Variants in CEP128 observed in about 807,000 individuals in gnomAD.
The protein encoded by CEP128 is centrosomal protein 128, also known as centrosomal protein 128kDa.
CEP128 carries 132 observed loss-of-function variants against 156.7 expected under a neutral mutation model. That is an observed-to-expected ratio of 0.84 (90% CI 0.73 to 0.97). The LOEUF (loss-of-function observed/expected upper bound fraction) is 0.97. CEP128 is among the 50% of genes least tolerant of loss of function. CEP128 has a pLI of 0.00. For missense variants in CEP128, 1,252 were observed against 1,281.9 expected (o/e 0.98, Z 0.36); for synonymous variants, 469 against 448.9 (o/e 1.04, Z -0.57).
At chr14:80,476,975 T>C (rs908226756), downstream of CEP128, 1 of 152,074 alleles carries the variant, frequency 6.6e-6, no homozygotes. Flanking sequence ...TTCGTAAGAA[T>C]CCTTCATGAT....
intron 23 of CEP128, among the ~76,000 whole-genome samples, chr14:80,508,366 CA>C (rs1888083671): frequency 6.6e-6 from 1 of 152,044 alleles, no homozygotes; most frequent in Non-Finnish European, 1.5e-5. Flanking sequence ...AACTTATTAG[CA>C]TAATTTAAGG....
chr14:80,823,436 T>C (rs1885295899), intron 13 of CEP128, among the ~76,000 whole-genome samples: 1 of 152,206 alleles, frequency 6.6e-6, no homozygotes, highest in Non-Finnish European at 1.5e-5. Flanking sequence ...GAGCATCAGA[T>C]GAAGACTTCA....
chr14:80,895,766 A>C lies in CEP128; in HGVS notation c.597T>G (p.Ala199=). The C allele has an allele frequency of 1.3e-6, 2 of 1,559,428 alleles. No individual in the cohort carries two copies. Among genetic ancestry groups the C allele is most frequent in the Non-Finnish European group, 1.7e-6 (2 of 1,151,782 alleles). Residue 199 remains alanine, a synonymous_variant, in exon 8 of 25, where the codon GCT becomes GCG. Transcript: ENST00000555265. ...RSRSDAETKR[A]LEELTEKLNE... is the part of the protein sequence containing the mutation. ...TAAGTTTTTCAGTCAATTCTTCCAA[A>C]GCCCTTTTTGTTTCGGCATCTGACC...
At chr14:80,763,948 A>G (rs919061356) in intron 16 of CEP128, among the ~76,000 whole-genome samples, 2 of 152,208 alleles carry the variant, frequency 1.3e-5, no homozygotes. Context: ...TAAATACCCT[A>G]TCAGAGACTA....
At chr14:80,554,840 T>C (rs1395499175) in intron 21 of CEP128, among the ~76,000 whole-genome samples, 1 of 152,074 alleles carries the variant, frequency 6.6e-6, no homozygotes, top group East Asian at 1.9e-4. Context: ...TTGTTTTCTT[T>C]AGGTTTTACT....
At chr14:80,660,085 C>T (rs721867) in intron 19 of CEP128, among the ~76,000 whole-genome samples, 7 of 151,938 alleles carry the variant, frequency 4.6e-5, no homozygotes, top group East Asian at 1.9e-4. Flanking sequence ...CTTCTGTGTA[C>T]GCAAAGGTAT....
At position 80,916,479 on chromosome 14, in the gene CEP128, T is replaced by C; in HGVS notation, c.69A>G (p.Arg23=). 6.2e-7 allele frequency: 1 copy of C among 1,614,152 alleles called. No individual in the cohort carries two copies. The highest frequency in any genetic ancestry group is 2.2e-5 in the East Asian group (1 of 44,882). Residue 23 remains arginine (R), a synonymous_variant, in exon 3 of 25, where the codon AGA becomes AGG. Coordinates refer to ENST00000555265, the MANE Select transcript of CEP128 (RefSeq NM_152446.5). ...CRDRLSPWAA[R]STHRGTRSLP... is the part of the protein sequence containing the mutation. ...GACTTCGAGTTCCCCTGTGCGTTGA[T>C]CTGGCAGCCCATGGACTCAATCGGT...
At chr14:80,919,167 T>A (rs944255441) in intron 2 of CEP128, among the ~76,000 whole-genome samples, 1 of 152,192 alleles carries the variant, frequency 6.6e-6, no homozygotes, top group Non-Finnish European at 1.5e-5. Flanking sequence ...GTCTTTGAGA[T>A]AACTTGATAT....
At position 80,761,601 on chromosome 14, in the gene CEP128, TTA is replaced by T. The variant is rs752969645; in HGVS notation, c.2387_2388del (p.Ile796LysfsTer3). 6.3e-7 allele frequency: 1 copy of T among 1,591,410 alleles called. No homozygotes were observed. The highest frequency in any genetic ancestry group is 1.1e-5 in the South Asian group (1 of 87,328). On this transcript the variant is annotated frameshift_variant, in exon 17 of 25. Transcript: ENST00000555265. LOFTEE classifies it high-confidence loss of function. Reference sequence around the variant, plus strand: ...CTCCTTAAGTGCTCCTCTTCAATGCTTATATGTTTTTCCTAAGGCATTGAAAG... The same window carrying T: ...CTCCTTAAGTGCTCCTCTTCAATGCTTATGTTTTTCCTAAGGCATTGAAAG... Reference protein sequence around the residue: ...KDQLEEREKHISIEEEHLRRM... With the variant: ...KDQLEEREKHXSIEEEHLRRM...
Position 80,799,859 on chromosome 14 carries a change from G to A in CEP128, c.1210-6749C>T, listed in dbSNP as rs141561999. On this transcript the variant is annotated intron_variant, in intron 13 of 24. Coordinates refer to ENST00000555265, the MANE Select transcript of CEP128 (RefSeq NM_152446.5). ...TGTTTATCAAGACAATAAGTGCACC[G>A]CTGAACATAGACCCTTATCAGTAGT... is the stretch of plus-strand genomic sequence containing the variant. 2.6e-3 allele frequency among the ~76,000 whole-genome samples: 396 copies of A among 152,204 alleles called. 7 individuals carry two copies. Among genetic ancestry groups the A allele is most frequent in the African/African-American group, 8.2e-3 (342 of 41,540 alleles).
At chr14:80,655,858 C>T (rs777328138) in intron 19 of CEP128, among the ~76,000 whole-genome samples, 4 of 152,106 alleles carry the variant, frequency 2.6e-5, no homozygotes, top group African/African-American at 4.8e-5. Context: ...TTGAGTTACA[C>T]GAGCCAAAGG....
Position 80,743,110 on chromosome 14 carries a change from T to A in CEP128, c.2771A>T (p.Glu924Val). The change falls in exon 19 of 25, where the codon GAG (glutamate) becomes GTG (valine). Residue 924 changes from glutamate to valine, a missense_variant. By Grantham distance (121) the Glu-to-Val change is moderately radical. Coordinates refer to ENST00000555265, the MANE Select transcript of CEP128 (RefSeq NM_152446.5). ...ACGATGTATTTCATCCAGAAGCTGC[T>A]CCTGCCTTTCTATCTGTTGAAAGAG... ...QCLFQQIERQ[E>V]QLLDEIHREK... 6.2e-7 allele frequency: 1 copy of A among 1,613,784 alleles called. No homozygotes were observed. The highest frequency in any genetic ancestry group is 1.7e-5 in the Admixed American group (1 of 59,990).
intron 13 of CEP128, among the ~76,000 whole-genome samples, chr14:80,803,505 C>A (rs936335939): frequency 6.6e-6 from 1 of 152,100 alleles, no homozygotes; most frequent in Non-Finnish European, 1.5e-5. Context: ...CCCATGCCAG[C>A]CAATCCCGGA....
At chr14:80,769,443 G>A (rs373562642) in intron 16 of CEP128, among the ~76,000 whole-genome samples, 1 of 150,122 alleles carries the variant, frequency 6.7e-6, no homozygotes, top group Admixed American at 6.6e-5. Flanking sequence ...CCCGCCCCAC[G>A]ACAGGCCCCG....
intron 21 of CEP128, among the ~76,000 whole-genome samples, chr14:80,549,294 T>C (rs531782911): frequency 9.8e-5 from 15 of 152,326 alleles, no homozygotes; most frequent in Non-Finnish European, 1.8e-4. Context: ...AAAACCTTTT[T>C]CCGGTTTCAG....
rs202150484 is a variant in CEP128, at chr14:80,955,666, C to G, written c.-172+2512G>C. 1.9e-5 allele frequency: 31 copies of G among 1,613,516 alleles called. No homozygotes were observed. In the Admixed American group the frequency reaches 2.2e-4, roughly 11 times the overall value. ...ATTTCGGAGGATGGAGAAATAGCCCCGAGTCCCGTGGAAAATGAGGCCGGC... is the reference window on the plus strand; with the variant it reads ...ATTTCGGAGGATGGAGAAATAGCCCGGAGTCCCGTGGAAAATGAGGCCGGC... On this transcript the variant is annotated intron_variant, in intron 2 of 7. Transcript: ENST00000555529.
rs962393658 is a variant in CEP128, at chr14:80,838,365, G to C, written c.850-87C>G. 89 of 929,382 alleles carry C rather than the reference G, an allele frequency of 9.6e-5. No individual in the cohort carries two copies. The Admixed American group carries it at 1.5e-3, about 15-fold the overall frequency. 57.6% of individuals were successfully genotyped at this position (929,382 alleles called of 1,614,324 possible). On this transcript the variant is annotated intron_variant, in intron 10 of 24. Transcript: ENST00000555265. ...ATGGGCACAGTTTAAAAGGAGAAAA[G>C]TGGAAAAGTTTTCAGAAGACATTTA...
At chr14:80,837,631 G>A (rs1170196977) in intron 11 of CEP128, among the ~76,000 whole-genome samples, 11 of 152,156 alleles carry the variant, frequency 7.2e-5, no homozygotes, top group African/African-American at 1.7e-4. Context: ...CAGGAGAATC[G>A]CTTGAACCCG....
intron 19 of CEP128, among the ~76,000 whole-genome samples, chr14:80,729,102 T>G (rs1752242958): frequency 1.4e-5 from 1 of 72,284 alleles, no homozygotes; most frequent in Admixed American, 1.5e-4. Flanking sequence ...TGTGTGTGTG[T>G]GTGTGTGTGT....
Sources: gnomAD v4.1 joint callset for allele counts (sites outside exome capture counted in the v4.1 genomes callset) on GRCh38, gnomAD v4.1.1 for gene constraint, MANE v1.5 for transcripts, NCBI Gene and HGNC (gene_info 2026-07-23, HGNC 2026-07-21) for gene names.